The following PDE11A variants were observed in gnomAD, a reference collection of about 807,000 sequenced individuals.
PDE11A encodes phosphodiesterase 11A, also known as dual 3',5'-cyclic-AMP and -GMP phosphodiesterase 11A.
PDE11A carries 100 observed loss-of-function variants against 100.5 expected under a neutral mutation model. That is an observed-to-expected ratio of 1.00 (90% CI 0.85 to 1.18). The LOEUF (loss-of-function observed/expected upper bound fraction) is 1.18. Ranked by LOEUF, PDE11A falls within the 50% of genes most tolerant of loss-of-function variation. PDE11A has a pLI of 0.00. For synonymous variants in PDE11A, 381 were observed against 420.8 expected, an observed-to-expected ratio of 0.91 and a Z score of 1.16; for missense variants, 1,141 against 1,152.6, an observed-to-expected ratio of 0.99 and a Z score of 0.15.
In PDE11A at chr2:177,693,639, G is replaced by A. The variant is rs140835056; in HGVS notation, c.2345+3693C>T. On this transcript the variant is annotated intron_variant, in intron 15 of 19. Transcript: ENST00000286063. ...AAACTGATTACAGAACACCTGGAAA[G>A]AGTCAACATTATCACATAATATATC... 1.3e-4 allele frequency among the ~76,000 whole-genome samples: 20 copies of A among 152,300 alleles called. No homozygotes were observed. The East Asian group carries it at 3.5e-3, about 26-fold the overall frequency.
chr2:177,965,188 TCTC>T (rs1203133538), intron 2 of PDE11A, among the ~76,000 whole-genome samples: 3 of 152,214 alleles, frequency 2.0e-5, no homozygotes, highest in Non-Finnish European at 4.4e-5. Flanking sequence ...TGTCTGTTCA[TCTC>T]CTCTGCTCAT....
chr2:177,891,046 T>A (rs944262832), intron 4 of PDE11A, among the ~76,000 whole-genome samples: 2 of 152,238 alleles, frequency 1.3e-5, no homozygotes, highest in Non-Finnish European at 2.9e-5. Context: ...TTCACTACTA[T>A]AGGAATGCAG....
intron 16 of PDE11A, among the ~76,000 whole-genome samples, chr2:177,676,833 C>T (rs767331716): frequency 6.6e-6 from 1 of 152,204 alleles, no homozygotes; most frequent in Non-Finnish European, 1.5e-5. Flanking sequence ...ATCGTCATCA[C>T]CACCCCAGAG....
intron 10 of PDE11A, among the ~76,000 whole-genome samples, chr2:177,752,237 CAGA>C (rs991369093): frequency 3.9e-5 from 6 of 152,168 alleles, no homozygotes; most frequent in Non-Finnish European, 1.5e-5. Flanking sequence ...GGCTTTGAAA[CAGA>C]AGAAGGGTTA....
intron 13 of PDE11A, among the ~76,000 whole-genome samples, chr2:177,707,845 A>G (rs2081302245): frequency 6.6e-6 from 1 of 152,206 alleles, no homozygotes; most frequent in African/African-American, 2.4e-5. Flanking sequence ...GGGAGGGGCC[A>G]TTGGTATCTG....
chr2:177,799,692 C>T (rs960242643), intron 9 of PDE11A, among the ~76,000 whole-genome samples: 1 of 152,064 alleles, frequency 6.6e-6, no homozygotes, highest in Non-Finnish European at 1.5e-5. Context: ...GAAGCAGTCC[C>T]CCTTGGTCTG....
intron 1 of PDE11A, among the ~76,000 whole-genome samples, chr2:178,024,764 T>G (rs567275893): frequency 6.6e-6 from 1 of 152,370 alleles, no homozygotes; most frequent in East Asian, 1.9e-4. Context: ...AAAATTGCTT[T>G]TATTGCTATA....
At chr2:177,788,420 C>T (rs983414444) in intron 9 of PDE11A, among the ~76,000 whole-genome samples, 4 of 150,070 alleles carry the variant, frequency 2.7e-5, no homozygotes, top group Non-Finnish European at 5.9e-5. Flanking sequence ...GCACTAAATG[C>T]CTACAAGAGA....
Position 178,065,316 on chromosome 2 carries a change from A to G in PDE11A, c.912+6210T>C, listed in dbSNP as rs143502919. 1.3e-3 allele frequency among the ~76,000 whole-genome samples: 195 copies of G among 152,350 alleles called. 2 individuals are homozygous for G. Among genetic ancestry groups the G allele is most frequent in the African/African-American group, 4.5e-3 (187 of 41,586 alleles). On this transcript the variant is annotated intron_variant, in intron 1 of 19. Coordinates refer to ENST00000286063, the MANE Select transcript of PDE11A (RefSeq NM_016953.4). ...ATGACTCTTCAACATTATATTCAAC[A>G]TGAAACCCTAACTTCCAAATTAAGC...
chr2:177,636,357 CCT>C (rs2105440067), intron 19 of PDE11A, among the ~76,000 whole-genome samples: 1 of 152,196 alleles, frequency 6.6e-6, no homozygotes, highest in Admixed American at 6.5e-5. Context: ...GATTTTACTC[CCT>C]CTCTGAAAGA....
intron 9 of PDE11A, among the ~76,000 whole-genome samples, chr2:177,808,799 T>C (rs1481235603): frequency 1.3e-5 from 2 of 152,114 alleles, no homozygotes; most frequent in South Asian, 2.1e-4. Flanking sequence ...CTCATTAAAT[T>C]GAGTGAGTTT....
intron 10 of PDE11A, among the ~76,000 whole-genome samples, chr2:177,756,305 A>T (rs2082090073): frequency 6.6e-6 from 1 of 152,110 alleles, no homozygotes; most frequent in Admixed American, 6.5e-5. Context: ...CAAGAAGACC[A>T]CTGATGGTTT....
At chr2:177,711,142 A>G (rs529667308) in intron 13 of PDE11A, among the ~76,000 whole-genome samples, 1 of 152,364 alleles carries the variant, frequency 6.6e-6, no homozygotes, top group African/African-American at 2.4e-5. Flanking sequence ...TATCTTGACC[A>G]GGAAAACCTG....
At position 177,624,055 on chromosome 2, in the gene PDE11A, T is replaced by G. The variant is rs2079798828; in HGVS notation, c.*5352A>C. The stretch of plus-strand genomic sequence containing the variant: ...TTAGGAAGCTGGTGCAATTTTGGCC[T>G]TCTTGTAGTCAGACTTAACCTTTAC... On this transcript the variant is annotated 3_prime_UTR_variant, in exon 20 of 20. Coordinates refer to ENST00000286063, the MANE Select transcript of PDE11A (RefSeq NM_016953.4). 1 of 152,248 alleles carries G rather than the reference T, an allele frequency of 6.6e-6. No homozygotes were observed. Among genetic ancestry groups the G allele is most frequent in the Non-Finnish European group, 1.5e-5 (1 of 68,042 alleles). 9.4% of individuals were successfully genotyped at this position (152,248 alleles called of 1,614,324 possible).
chr2:177,951,056 A>T (rs757835038), intron 2 of PDE11A, among the ~76,000 whole-genome samples: 4 of 152,272 alleles, frequency 2.6e-5, no homozygotes, highest in Non-Finnish European at 5.9e-5. Context: ...TATTTTACCA[A>T]TTCAAGTCTG....
At chr2:177,954,898 G>T (rs2085543274) in intron 2 of PDE11A, among the ~76,000 whole-genome samples, 1 of 152,122 alleles carries the variant, frequency 6.6e-6, no homozygotes, top group East Asian at 1.9e-4. Flanking sequence ...CAAAATGATA[G>T]TTAAGGCACA....
At chr2:178,103,174 C>A (rs982950541) in intron 2 of PDE11A, among the ~76,000 whole-genome samples, 6 of 126,510 alleles carry the variant, frequency 4.7e-5, no homozygotes, top group African/African-American at 1.8e-4. Flanking sequence ...GTTAAATATA[C>A]ATTTCCAGTG....
At chr2:177,754,871 C>G (rs932723158) in intron 10 of PDE11A, among the ~76,000 whole-genome samples, 2 of 152,236 alleles carry the variant, frequency 1.3e-5, no homozygotes, top group Non-Finnish European at 2.9e-5. Flanking sequence ...TAATTGAATT[C>G]TAATGAGGCC....
chr2:177,969,106 G>A (rs35607901), intron 2 of PDE11A, among the ~76,000 whole-genome samples: 9,583 of 152,174 alleles, frequency 0.063, 313 homozygotes, highest in South Asian at 0.094. Flanking sequence ...GAATGAGTTC[G>A]TGTCCTTTGC....
Sources: allele counts gnomAD v4.1 joint callset (sites outside exome capture counted in the v4.1 genomes callset), GRCh38; gene constraint gnomAD v4.1.1; transcripts MANE v1.5; gene names NCBI Gene and HGNC (gene_info 2026-07-23, HGNC 2026-07-21).